Variants in SLK observed in about 807,000 individuals in gnomAD.
SLK encodes STE20-like serine/threonine-protein kinase.
A neutral mutation model predicts 147.7 loss-of-function variants in SLK; 67 were observed. That is an observed-to-expected ratio of 0.45 (90% CI 0.37 to 0.56). The LOEUF (loss-of-function observed/expected upper bound fraction) is 0.56, where lower values mean the gene tolerates loss of function less well. Among genes scored for constraint, SLK ranks in the 20% least tolerant of loss-of-function variants. The pLI is 0.00. For missense variants in SLK, 1,136 were observed against 1,438.8 expected, an observed-to-expected ratio of 0.79 and a Z score of 3.41; for synonymous variants, 441 against 475.0, an observed-to-expected ratio of 0.93 and a Z score of 0.93.
chr10:103,986,668 GT>G (rs759976399), intron 1 of SLK, among the ~76,000 whole-genome samples: 13,104 of 97,294 alleles, frequency 0.13, 575 homozygotes, highest in African/African-American at 0.16. Context: ...TATGTGAAGA[GT>G]TTTTTTTTTT....
In SLK at chr10:103,968,576, A is replaced by T. The variant is rs1843749960; in HGVS notation, c.150+681A>T. On this transcript the variant is annotated intron_variant, in intron 1 of 18. Transcript: ENST00000369755. ...CAATAGAAAGAGGCTTGGCGTTTCA[A>T]CCTGAAGGCATTAATGTTAACTATT... is the stretch of plus-strand genomic sequence containing the variant. Among the ~76,000 whole-genome samples, 3 of 152,364 alleles carry T rather than the reference A, an allele frequency of 2.0e-5. No individual in the cohort carries two copies. The South Asian group carries it at 6.2e-4, about 32-fold the overall frequency.
intron 1 of SLK, among the ~76,000 whole-genome samples, chr10:103,981,995 T>A (rs1213196168): frequency 6.6e-6 from 1 of 152,168 alleles, no homozygotes; most frequent in African/African-American, 2.4e-5. Context: ...TTTGATTTCT[T>A]CCAGCATTGA....
rs752079765 is a variant in SLK, at chr10:104,025,633, T to C, written c.3621T>C (p.Thr1207=). The change falls in exon 19 of 19, where the codon ACT becomes ACC. Residue 1207 remains threonine (T), a synonymous_variant. Coordinates refer to ENST00000369755, the MANE Select transcript of SLK (RefSeq NM_014720.4). ...LQEQEVFFKM[T]GESECLNPST... is the part of the protein sequence containing the mutation. ...AACAGGAAGTATTCTTTAAAATGAC[T>C]GGGGAGTCTGAATGCCTTAACCCAT... The C allele has an allele frequency of 8.7e-6, 14 of 1,613,656 alleles. No homozygotes were observed. The highest frequency in any genetic ancestry group is 1.2e-5 in the Non-Finnish European group (14 of 1,179,536).
intron 1 of SLK, among the ~76,000 whole-genome samples, chr10:103,970,783 A>G (rs142367959): frequency 6.6e-4 from 101 of 152,338 alleles, no homozygotes; most frequent in African/African-American, 2.4e-3. Context: ...AGTAACTGTT[A>G]CAAAGATTAT....
At chr10:103,982,825 G>GC (rs1843964029) in intron 1 of SLK, among the ~76,000 whole-genome samples, 1 of 152,220 alleles carries the variant, frequency 6.6e-6, no homozygotes, top group Non-Finnish European at 1.5e-5. Context: ...GAGATGACCA[G>GC]AGGACGGAGA....
chr10:103,975,319 CCTT>C (rs1843855667), intron 1 of SLK, among the ~76,000 whole-genome samples: 1 of 152,164 alleles, frequency 6.6e-6, no homozygotes, highest in Admixed American at 6.5e-5. Context: ...CAAATTTGCT[CCTT>C]CTGTCTTCCC....
chr10:104,010,942 A>C, intron 13 of SLK, 34 bp downstream of exon 13: 1 of 1,382,566 alleles, frequency 7.2e-7, no homozygotes, highest in East Asian at 2.4e-5. Flanking sequence ...CTAAAACCAG[A>C]AAGCACCATT....
intron 13 of SLK, among the ~76,000 whole-genome samples, chr10:104,017,764 GCC>G (rs778813835): frequency 4.1e-4 from 62 of 152,300 alleles, no homozygotes; most frequent in South Asian, 1.0e-3. Context: ...ACAGGCATGA[GCC>G]ACCACACCCG....
chr10:103,974,655 C>CTTTTTTT lies in SLK; in HGVS notation c.150+6767_150+6773dup, dbSNP rs568337016. The stretch of plus-strand genomic sequence containing the variant: ...AAAAAAAAAAAGTTCATCTTTTGGC[C>CTTTTTTT]TTTTTTTTTTTTTGAGATGGAGTCT... On this transcript the variant is annotated intron_variant, in intron 1 of 18. Coordinates refer to ENST00000369755, the MANE Select transcript of SLK (RefSeq NM_014720.4). 3.0e-4 allele frequency: 9 copies of CTTTTTTT among 30,178 alleles called. 1 individual carries two copies. The highest frequency in any genetic ancestry group is 6.9e-4 in the African/African-American group (8 of 11,532). 1.9% of individuals were successfully genotyped at this position (30,178 alleles called of 1,614,324 possible).
At chr10:104,024,088 CTCTTAACTGACA>C (rs1486392171) in intron 18 of SLK, among the ~76,000 whole-genome samples, 1 of 152,198 alleles carries the variant, frequency 6.6e-6, no homozygotes, top group East Asian at 1.9e-4. Context: ...CATTCCTGTT[CTCTTAACTGACA>C]TCTACGCTAG....
chr10:104,019,308 C>T (rs1844504452), intron 15 of SLK, among the ~76,000 whole-genome samples: 2 of 152,134 alleles, frequency 1.3e-5, no homozygotes, highest in Admixed American at 1.3e-4. Context: ...GAGTCTCGCT[C>T]TGTCACCTGG....
intron 1 of SLK, among the ~76,000 whole-genome samples, chr10:103,990,444 T>A (rs1042428927): frequency 6.6e-6 from 1 of 152,206 alleles, no homozygotes; most frequent in South Asian, 2.1e-4. Context: ...TTCTGTACTT[T>A]CCACGCAATT....
At chr10:104,005,427 C>A in intron 9 of SLK, 134 bp from the exon 10 acceptor site, 1 of 720,888 alleles carries the variant, frequency 1.4e-6, no homozygotes, top group Non-Finnish European at 2.2e-6. Context: ...TATATTTATA[C>A]TTTCTATGTG....
Position 103,999,889 on chromosome 10 carries a change from C to T in SLK, c.805C>T (p.Leu269=). Residue 269 remains leucine, a synonymous_variant, in exon 7 of 19, where the codon CTA becomes TTA. Coordinates refer to ENST00000369755, the MANE Select transcript of SLK (RefSeq NM_014720.4). Reference sequence around the variant, plus strand: ...AAGGTCTTCAAATTTTAAGGACTTTCTAAAGAAATGCTTAGAAAAGAATGT... The same window carrying T: ...AAGGTCTTCAAATTTTAAGGACTTTTTAAAGAAATGCTTAGAAAAGAATGT... ...SRWSSNFKDF[L]KKCLEKNVDA... is the part of the protein sequence containing the mutation. 6.5e-7 allele frequency: 1 copy of T among 1,537,584 alleles called. No homozygotes were observed. Among genetic ancestry groups the T allele is most frequent in the Non-Finnish European group, 8.9e-7 (1 of 1,119,866 alleles).
chr10:103,986,994 G>A (rs2134463281), intron 1 of SLK, among the ~76,000 whole-genome samples: 1 of 152,188 alleles, frequency 6.6e-6, no homozygotes, highest in Middle Eastern at 3.4e-3. Flanking sequence ...GAGTTTTTAT[G>A]CCTTTAGATA....
chr10:104,022,701 G>C (rs1306082598), intron 18 of SLK, among the ~76,000 whole-genome samples: 1 of 152,162 alleles, frequency 6.6e-6, no homozygotes, highest in Non-Finnish European at 1.5e-5. Flanking sequence ...TCCGCCTCCT[G>C]GGTTCAAGCA....
chr10:103,978,463 C>A (rs1363491769), intron 1 of SLK, among the ~76,000 whole-genome samples: 1 of 152,064 alleles, frequency 6.6e-6, no homozygotes, highest in Admixed American at 6.5e-5. Flanking sequence ...TTATAAAAAT[C>A]TGTCACTTTT....
intron 1 of SLK, 29 bp from the exon 2 acceptor site, chr10:103,990,646 T>G (rs1028720130): frequency 7.1e-7 from 1 of 1,414,682 alleles, no homozygotes. Context: ...GCATTTGAAA[T>G]GTGACACTTC....
intron 7 of SLK, 33 bp from the exon 8 acceptor site, chr10:104,001,411 G>T (rs756948175): frequency 1.3e-6 from 2 of 1,574,210 alleles, no homozygotes; most frequent in Non-Finnish European, 1.7e-6. Context: ...TAGTATTCCA[G>T]TTGTTGAGTA....
Sources: allele counts gnomAD v4.1 joint callset (sites outside exome capture counted in the v4.1 genomes callset), GRCh38; gene constraint gnomAD v4.1.1; transcripts MANE v1.5; gene names NCBI Gene and HGNC (gene_info 2026-07-23, HGNC 2026-07-21).